Variants in SLC10A7 observed in about 807,000 individuals in gnomAD.
The protein encoded by SLC10A7 is sodium/bile acid cotransporter 7.
In SLC10A7, 29 loss-of-function variants were observed where a neutral mutation model predicts 43.2. The ratio of observed to expected loss-of-function variants is 0.67; its 90% CI spans 0.50 to 0.92. The LOEUF (loss-of-function observed/expected upper bound fraction) is 0.92, where lower values mean the gene tolerates loss of function less well. Among genes scored for constraint, SLC10A7 ranks in the 40% least tolerant of loss-of-function variants. SLC10A7 has a pLI of 0.00. For missense variants in SLC10A7, 295 were observed against 403.2 expected (o/e 0.73, Z 2.30); for synonymous variants, 152 against 144.8 (o/e 1.05, Z -0.35).
chr4:146,477,141 A>G (rs1261206811), intron 4 of SLC10A7, among the ~76,000 whole-genome samples: 1 of 152,240 alleles, frequency 6.6e-6, no homozygotes, highest in Non-Finnish European at 1.5e-5. Context: ...TCTCTGCACT[A>G]AATTGCTAAC....
At position 146,499,897 on chromosome 4, in the gene SLC10A7, A is replaced by G. The variant is rs556297565; in HGVS notation, c.396+3952T>C. Among the ~76,000 whole-genome samples the G allele has an allele frequency of 2.1e-3, 314 of 152,348 alleles. 3 individuals are homozygous for G. The highest frequency in any genetic ancestry group is 7.2e-3 in the African/African-American group (300 of 41,576). ...TTTAGAAGAATCTAATGCTACGTCA[A>G]TGTCAAGGATATGGATGAAATGTGA... is the stretch of plus-strand genomic sequence containing the variant. On this transcript the variant is annotated intron_variant, in intron 4 of 11. Transcript: ENST00000335472.
chr4:146,306,477 C>T (rs759304408), intron 6 of SLC10A7, among the ~76,000 whole-genome samples: 7 of 152,052 alleles, frequency 4.6e-5, no homozygotes, highest in Non-Finnish European at 7.4e-5. Context: ...TCTCAGATCC[C>T]GTAGAATTTT....
At chr4:146,267,210 G>A (rs1728614543) in intron 10 of SLC10A7, among the ~76,000 whole-genome samples, 1 of 152,114 alleles carries the variant, frequency 6.6e-6, no homozygotes, top group South Asian at 2.1e-4. Flanking sequence ...CCTTTTAGAG[G>A]GTGTCAAAAG....
intron 9 of SLC10A7, among the ~76,000 whole-genome samples, chr4:146,287,422 A>G (rs2111153286): frequency 6.6e-6 from 1 of 152,256 alleles, no homozygotes. Context: ...AACATATCTG[A>G]GCTGGAAGCA....
At chr4:146,333,167 T>C (rs1182013264) in intron 5 of SLC10A7, among the ~76,000 whole-genome samples, 2 of 152,156 alleles carry the variant, frequency 1.3e-5, no homozygotes, top group Non-Finnish European at 2.9e-5. Context: ...AATACCTCTA[T>C]CATCTCATTC....
At chr4:146,379,745 C>T (rs528046414) in intron 5 of SLC10A7, among the ~76,000 whole-genome samples, 1 of 152,110 alleles carries the variant, frequency 6.6e-6, no homozygotes, top group Non-Finnish European at 1.5e-5. Context: ...CAAAGAACAT[C>T]GCATTAAGTA....
rs1731529788 is a variant in SLC10A7, at chr4:146,305,827, C to T, written c.555+99G>A. 4 of 1,001,816 alleles carry T rather than the reference C, an allele frequency of 4.0e-6. No individual in the cohort carries two copies. The East Asian group carries it at 8.1e-5, about 20-fold the overall frequency. The allele number at this position is 1,001,816 out of a possible 1,614,324, so 62.1% of individuals were successfully genotyped here. ...TTTAGTCTCATATTTTCATTTATCT[C>T]CTCCCTCTGAATATCCTTTCTCTCA... On this transcript the variant is annotated intron_variant, in intron 7 of 11. Coordinates refer to ENST00000335472, the MANE Select transcript of SLC10A7 (RefSeq NM_001029998.6).
At chr4:146,492,508 C>T (rs1370873069) in intron 4 of SLC10A7, among the ~76,000 whole-genome samples, 1 of 152,076 alleles carries the variant, frequency 6.6e-6, no homozygotes, top group Non-Finnish European at 1.5e-5. Flanking sequence ...GCTGGGACCA[C>T]AGGCACACAC....
chr4:146,355,473 C>T (rs1254881119), intron 5 of SLC10A7, among the ~76,000 whole-genome samples: 1 of 151,884 alleles, frequency 6.6e-6, no homozygotes. Context: ...TTGTGGAAGT[C>T]AGTGTGGCGA....
At chr4:146,480,929 C>T (rs1734416968) in intron 4 of SLC10A7, among the ~76,000 whole-genome samples, 3 of 152,042 alleles carry the variant, frequency 2.0e-5, no homozygotes, top group African/African-American at 4.8e-5. Flanking sequence ...AGCAAATAAA[C>T]AGGAAAAACC....
chr4:146,449,057 T>C (rs1731351212), intron 4 of SLC10A7, among the ~76,000 whole-genome samples: 1 of 152,178 alleles, frequency 6.6e-6, no homozygotes, highest in Admixed American at 6.6e-5. Context: ...TAGAATAGCA[T>C]CTCTGTTCCA....
At chr4:146,415,676 C>A (rs1424749323) in intron 5 of SLC10A7, among the ~76,000 whole-genome samples, 1 of 152,116 alleles carries the variant, frequency 6.6e-6, no homozygotes, top group Non-Finnish European at 1.5e-5. Context: ...TGATGCTTTA[C>A]ATATAAGAAA....
At chr4:146,322,712 T>C (rs1321106965) in intron 6 of SLC10A7, among the ~76,000 whole-genome samples, 1 of 152,162 alleles carries the variant, frequency 6.6e-6, no homozygotes, top group Non-Finnish European at 1.5e-5. Context: ...AGCAGCATGA[T>C]TTATAATCCT....
At chr4:146,305,286 G>A (rs1305808109) in intron 7 of SLC10A7, among the ~76,000 whole-genome samples, 1 of 151,508 alleles carries the variant, frequency 6.6e-6, no homozygotes, top group Non-Finnish European at 1.5e-5. Flanking sequence ...GGACATGGAT[G>A]AAACTGGAAA....
intron 10 of SLC10A7, among the ~76,000 whole-genome samples, chr4:146,270,062 A>G (rs1436819328): frequency 6.6e-6 from 1 of 152,150 alleles, no homozygotes; most frequent in African/African-American, 2.4e-5. Flanking sequence ...GGCAGTTTTG[A>G]TTTGGGGATT....
At chr4:146,363,298 A>G (rs149686819) in intron 5 of SLC10A7, among the ~76,000 whole-genome samples, 131 of 152,296 alleles carry the variant, frequency 8.6e-4, no homozygotes, top group African/African-American at 3.1e-3. Flanking sequence ...AAAGGAGTCA[A>G]TTCAGCAAGA....
At chr4:146,259,399 C>T (rs562625594) in intron 10 of SLC10A7, among the ~76,000 whole-genome samples, 14 of 152,256 alleles carry the variant, frequency 9.2e-5, no homozygotes, top group African/African-American at 2.6e-4. Context: ...AAGTGCTTTA[C>T]GATCATTAGG....
chr4:146,458,396 G>A (rs982160464), intron 4 of SLC10A7, among the ~76,000 whole-genome samples: 12 of 151,588 alleles, frequency 7.9e-5, no homozygotes, highest in Admixed American at 1.3e-4. Flanking sequence ...CTAAAATCAG[G>A]AACAAAGTTA....
intron 5 of SLC10A7, among the ~76,000 whole-genome samples, chr4:146,374,613 T>TATAC (rs1286344996): frequency 1.7e-5 from 2 of 119,438 alleles, no homozygotes; most frequent in African/African-American, 6.7e-5. Flanking sequence ...TATATATATA[T>TATAC]ACACATACAC....
Sources: gnomAD v4.1 joint callset for allele counts (sites outside exome capture counted in the v4.1 genomes callset) on GRCh38, gnomAD v4.1.1 for gene constraint, MANE v1.5 for transcripts, NCBI Gene and HGNC (gene_info 2026-07-23, HGNC 2026-07-21) for gene names.